The following RHAG variants were observed in gnomAD, a reference collection of about 807,000 sequenced individuals.
RHAG encodes ammonium transporter Rh type A.
In RHAG, 25 loss-of-function variants were observed where a neutral mutation model predicts 42.4. The observed-to-expected ratio is 0.59, with a 90% CI of 0.43 to 0.82. RHAG has a LOEUF of 0.82. Ranked by LOEUF, RHAG falls within the 40% of genes least tolerant of loss-of-function variation. The probability of loss-of-function intolerance (pLI) is 0.00; values close to 1 mark genes in which losing one functional copy is unlikely to be tolerated. For synonymous variants in RHAG, 182 were observed against 177.7 expected (o/e 1.02, Z -0.19); for missense variants, 483 against 504.6 (o/e 0.96, Z 0.41).
chr6:49,631,843 ACAATTCCAGGTAACAATGCAGCAG>A (rs1762941015), intron 1 of RHAG: 1 of 152,258 alleles, frequency 6.6e-6, no homozygotes, highest in African/African-American at 2.4e-5. Context: ...AGTTATCATG[ACAATTCCAGGTAACAATGCAGCAG>A]CAAACCATTT....
chr6:49,630,945 A>C (rs1234201698), intron 1 of RHAG, among the ~76,000 whole-genome samples: 1 of 152,190 alleles, frequency 6.6e-6, no homozygotes, highest in Non-Finnish European at 1.5e-5. Context: ...GATTTAGAGC[A>C]GTTCTCTTAC....
intron 8 of RHAG, 58 bp from the exon 9 acceptor site, chr6:49,606,979 G>T: frequency 1.6e-6 from 2 of 1,288,738 alleles, no homozygotes; most frequent in South Asian, 1.2e-5. Context: ...AAATCTACTT[G>T]CATAGTAGCT....
chr6:49,610,530 G>T (rs938005063), intron 7 of RHAG, among the ~76,000 whole-genome samples: 1 of 152,168 alleles, frequency 6.6e-6, no homozygotes, highest in African/African-American at 2.4e-5. Context: ...AACCAGAAAT[G>T]CTGAGTGATA....
At chr6:49,629,634 G>A (rs1266266087) in intron 1 of RHAG, among the ~76,000 whole-genome samples, 6 of 152,228 alleles carry the variant, frequency 3.9e-5, no homozygotes, top group East Asian at 1.9e-4. Context: ...GCACACAGGA[G>A]CCCATGGAGG....
intron 4 of RHAG, 125 bp downstream of exon 4, chr6:49,615,499 T>A (rs1474585542): frequency 9.2e-7 from 1 of 1,092,796 alleles, no homozygotes; most frequent in Non-Finnish European, 1.4e-6. Flanking sequence ...TAGCTGAGGA[T>A]ACAGTCGTTC....
chr6:49,622,233 T>TC (rs1762769940), intron 1 of RHAG, among the ~76,000 whole-genome samples: 2 of 149,406 alleles, frequency 1.3e-5, no homozygotes, highest in South Asian at 4.3e-4. Flanking sequence ...TTTTTTTTTT[T>TC]TAGACAGAGT....
intron 1 of RHAG, among the ~76,000 whole-genome samples, chr6:49,621,066 C>CACACAGAG (rs1762749192): frequency 6.6e-6 from 1 of 152,160 alleles, no homozygotes; most frequent in South Asian, 2.1e-4. Context: ...GCTTCCGAGG[C>CACACAGAG]ACACAGAGAC....
At chr6:49,618,033 C>A in intron 3 of RHAG, 35 bp downstream of exon 3, 2 of 1,604,342 alleles carry the variant, frequency 1.2e-6, no homozygotes, top group South Asian at 2.2e-5. Flanking sequence ...AACTGATGCC[C>A]AAAGCTAGGA....
intron 1 of RHAG, among the ~76,000 whole-genome samples, chr6:49,621,029 G>T (rs1213754379): frequency 6.6e-6 from 1 of 152,120 alleles, no homozygotes; most frequent in Non-Finnish European, 1.5e-5. Flanking sequence ...CACTGTAGGG[G>T]TATAAAATAA....
At chr6:49,630,374 A>G (rs1459364105) in intron 1 of RHAG, among the ~76,000 whole-genome samples, 3 of 152,308 alleles carry the variant, frequency 2.0e-5, no homozygotes, top group Admixed American at 1.3e-4. Context: ...AGAGAACTCA[A>G]CAGAAAGTCT....
chr6:49,620,690 C>A (rs961751542), intron 1 of RHAG, among the ~76,000 whole-genome samples: 2 of 152,094 alleles, frequency 1.3e-5, no homozygotes, highest in African/African-American at 4.8e-5. Context: ...TGCCACCATG[C>A]CCAGATAATC....
At chr6:49,626,477 C>T (rs564419253) in intron 1 of RHAG, among the ~76,000 whole-genome samples, 27 of 152,208 alleles carry the variant, frequency 1.8e-4, no homozygotes, top group Admixed American at 4.6e-4. Flanking sequence ...GAGGTGGGCT[C>T]CCATGGCCTT....
Position 49,617,833 on chromosome 6 carries a change from T to C in RHAG, c.492+235A>G, listed in dbSNP as rs183980365. Among the ~76,000 whole-genome samples, 506 of 152,326 alleles carry C rather than the reference T, an allele frequency of 3.3e-3. 3 individuals carry two copies. Among genetic ancestry groups the C allele is most frequent in the Non-Finnish European group, 3.7e-3 (255 of 68,036 alleles). ...TGTGATAATCAGTTTTTATGGTGTA[T>C]ACATGATAATAAAAATAATACGTAC... is the stretch of plus-strand genomic sequence containing the variant. On this transcript the variant is annotated intron_variant, in intron 3 of 9. Transcript: ENST00000371175.
intron 5 of RHAG, among the ~76,000 whole-genome samples, chr6:49,612,812 T>C: frequency 6.6e-6 from 1 of 152,152 alleles, no homozygotes. Flanking sequence ...CAAAAGATGT[T>C]GTAGTGGGAG....
intron 9 of RHAG, 70 bp from the exon 10 acceptor site, chr6:49,605,900 A>G (rs1774154799): frequency 7.9e-7 from 1 of 1,261,476 alleles, no homozygotes. Flanking sequence ...TAGTATTGAA[A>G]CAAAAATATT....
chr6:49,623,655 T>C (rs778714825), intron 1 of RHAG, among the ~76,000 whole-genome samples: 7 of 151,922 alleles, frequency 4.6e-5, no homozygotes, highest in African/African-American at 1.7e-4. Flanking sequence ...GGAAGTAGAG[T>C]GGTGCCGCTG....
chr6:49,619,567 G>A (rs1051217767), intron 1 of RHAG, among the ~76,000 whole-genome samples: 1 of 152,126 alleles, frequency 6.6e-6, no homozygotes, highest in Non-Finnish European at 1.5e-5. Flanking sequence ...TTCAGTGTTG[G>A]AGCTTTTTAT....
At position 49,622,846 on chromosome 6, in the gene RHAG, T is replaced by TG. The variant is rs1554175906; in HGVS notation, c.158-3485_158-3484insC. ...AAAACCAGACTTTTTTTTTTTTTGT[T>TG]TTGTTTTGAGACGGAGTCTCGCTCT... On this transcript the variant is annotated intron_variant, in intron 1 of 9. Coordinates refer to ENST00000371175, the MANE Select transcript of RHAG (RefSeq NM_000324.3). Among the ~76,000 whole-genome samples the TG allele has an allele frequency of 6.0e-5, 9 of 150,364 alleles. 1 individual carries two copies. Among genetic ancestry groups the TG allele is most frequent in the African/African-American group, 2.2e-4 (9 of 40,678 alleles).
intron 1 of RHAG, among the ~76,000 whole-genome samples, chr6:49,631,702 G>T (rs1762939096): frequency 6.6e-6 from 1 of 152,164 alleles, no homozygotes; most frequent in Admixed American, 6.5e-5. Flanking sequence ...CAAGGTCTTA[G>T]TTCTATTTGT....
Sources: allele counts gnomAD v4.1 joint callset (sites outside exome capture counted in the v4.1 genomes callset), GRCh38; gene constraint gnomAD v4.1.1; transcripts MANE v1.5; gene names NCBI Gene and HGNC (gene_info 2026-07-23, HGNC 2026-07-21).